GOLGA1: variants seen among roughly 807,000 people sequenced by gnomAD.
The protein encoded by GOLGA1 is golgin subfamily A member 1.
Under a neutral mutation model 119.7 loss-of-function variants are expected in GOLGA1, and 63 were observed. That is an observed-to-expected ratio of 0.53 (90% CI 0.43 to 0.65). The LOEUF is 0.65. GOLGA1 is among the 30% of genes least tolerant of loss of function. The pLI is 0.00. For synonymous variants in GOLGA1, 318 were observed against 333.4 expected (o/e 0.95, Z 0.50); for missense variants, 798 against 912.8 (o/e 0.87, Z 1.62).
chr9:124,891,801 C>T (rs1456744986), intron 15 of GOLGA1, among the ~76,000 whole-genome samples: 4 of 149,360 alleles, frequency 2.7e-5, no homozygotes, highest in East Asian at 2.0e-4. Flanking sequence ...TGTGCCACCA[C>T]ACCCAGCTAA....
chr9:124,903,253 C>T (rs560685147), intron 12 of GOLGA1, among the ~76,000 whole-genome samples: 91 of 152,216 alleles, frequency 6.0e-4, no homozygotes, highest in African/African-American at 2.1e-3. Flanking sequence ...TTTGGAAGGC[C>T]AAGACGGGTG....
chr9:124,923,055 C>CA, intron 8 of GOLGA1, 40 bp downstream of exon 8: 1 of 1,410,934 alleles, frequency 7.1e-7, no homozygotes. Flanking sequence ...AGTGAATAAT[C>CA]ATCTATTCAG....
intron 12 of GOLGA1, among the ~76,000 whole-genome samples, chr9:124,901,805 T>C (rs556730837): frequency 2.0e-5 from 3 of 152,314 alleles, no homozygotes; most frequent in African/African-American, 7.2e-5. Flanking sequence ...TTTTTTTAAC[T>C]GGTTTGAATC....
At chr9:124,914,737 A>C (rs1830408886) in intron 10 of GOLGA1, among the ~76,000 whole-genome samples, 1 of 152,212 alleles carries the variant, frequency 6.6e-6, no homozygotes, top group African/African-American at 2.4e-5. Flanking sequence ...AAAGGCATAT[A>C]CCTATTAGCG....
chr9:124,918,912 C>A (rs1564338960), intron 10 of GOLGA1, among the ~76,000 whole-genome samples: 2 of 152,080 alleles, frequency 1.3e-5, no homozygotes, highest in Non-Finnish European at 2.9e-5. Flanking sequence ...TTCCTTGACT[C>A]CTGGGCTGGA....
chr9:124,909,771 T>C (rs910426543), intron 11 of GOLGA1, among the ~76,000 whole-genome samples: 4 of 152,018 alleles, frequency 2.6e-5, no homozygotes, highest in East Asian at 1.9e-4. Context: ...ATTTACTTAT[T>C]TATTATTTTT....
chr9:124,882,255 C>A (rs930259724), intron 20 of GOLGA1, among the ~76,000 whole-genome samples: 1 of 152,246 alleles, frequency 6.6e-6, no homozygotes, highest in African/African-American at 2.4e-5. Context: ...GCTGGCGTGG[C>A]AGGCAACCCC....
chr9:124,917,075 A>T (rs944644155), intron 10 of GOLGA1, among the ~76,000 whole-genome samples: 2 of 152,046 alleles, frequency 1.3e-5, no homozygotes, highest in Non-Finnish European at 2.9e-5. Flanking sequence ...CTACAGAATG[A>T]TTTATATAAC....
At chr9:124,922,221 C>A (rs1830585137) in intron 8 of GOLGA1, among the ~76,000 whole-genome samples, 1 of 147,394 alleles carries the variant, frequency 6.8e-6, no homozygotes, top group African/African-American at 2.5e-5. Context: ...GAGCTAGGCT[C>A]CATCTCAAAA....
chr9:124,925,268 A>G (rs1369954482), intron 7 of GOLGA1, among the ~76,000 whole-genome samples: 4 of 152,138 alleles, frequency 2.6e-5, no homozygotes, highest in Non-Finnish European at 5.9e-5. Context: ...AATTGCCATA[A>G]TCTTAAGAGT....
Position 124,890,550 on chromosome 9 carries a change from C to A in GOLGA1, c.1408-72G>T, listed in dbSNP as rs184162785. ...TTTAGCTGTATGCCACGCAAGAAGC[C>A]CAGCAGACAGGGCATGGCTTTGCAG... On this transcript the variant is annotated intron_variant, in intron 15 of 22. Coordinates refer to ENST00000373555, the MANE Select transcript of GOLGA1 (RefSeq NM_002077.4). 1.2e-5 allele frequency: 14 copies of A among 1,134,200 alleles called. No individual in the cohort carries two copies. In the African/African-American group the frequency reaches 1.8e-4, roughly 15 times the overall value. 70.3% of individuals were successfully genotyped at this position (1,134,200 alleles called of 1,614,324 possible). A position where few individuals can be genotyped will look rare whatever the true frequency, so the allele number is the denominator to read the frequency against.
rs1240238389 is a variant in GOLGA1 at position 124,882,028 on chromosome 9, C to T, written c.1966-74G>A. 1.0e-5 allele frequency: 11 copies of T among 1,093,734 alleles called. No homozygotes were observed. The South Asian group carries it at 1.6e-4, about 16-fold the overall frequency. 67.8% of individuals were successfully genotyped at this position (1,093,734 alleles called of 1,614,324 possible). Reference sequence around the variant, plus strand: ...GGAAAAAATCACACGGGAGGTTCACCTGGTCCAAACTATGATCACTATCGT... The same window carrying T: ...GGAAAAAATCACACGGGAGGTTCACTTGGTCCAAACTATGATCACTATCGT... On this transcript the variant is annotated intron_variant, in intron 20 of 22. Coordinates refer to ENST00000373555, the MANE Select transcript of GOLGA1 (RefSeq NM_002077.4).
At chr9:124,884,433 T>G (rs1183476774) in intron 19 of GOLGA1, among the ~76,000 whole-genome samples, 1 of 152,238 alleles carries the variant, frequency 6.6e-6, no homozygotes, top group Non-Finnish European at 1.5e-5. Context: ...ACATTTTTCA[T>G]GTATCAGAGT....
intron 3 of GOLGA1, among the ~76,000 whole-genome samples, chr9:124,935,314 T>C (rs1380705158): frequency 6.6e-6 from 1 of 152,192 alleles, no homozygotes; most frequent in Non-Finnish European, 1.5e-5. Context: ...CTGAACATAA[T>C]TTTATACAAT....
chr9:124,886,613 G>A (rs1373566667), intron 19 of GOLGA1, among the ~76,000 whole-genome samples: 1 of 152,108 alleles, frequency 6.6e-6, no homozygotes, highest in Non-Finnish European at 1.5e-5. Flanking sequence ...GGGCAAAGGG[G>A]TGCAAGCCGA....
chr9:124,888,011 G>T lies in GOLGA1; in HGVS notation c.1905+242C>A, dbSNP rs1018691269. ...GCAGGGAACATGCAGGCTTGCAGCT[G>T]CCCAAGCCTGACACTTGTCCAGTTC... On this transcript the variant is annotated intron_variant, in intron 19 of 22. Coordinates refer to ENST00000373555, the MANE Select transcript of GOLGA1 (RefSeq NM_002077.4). This position sits in a 1 kb window ranked among gnomAD's most constrained non-coding sequence, Gnocchi z 4.4. Among the ~76,000 whole-genome samples the T allele has an allele frequency of 6.6e-6, 1 of 152,134 alleles. No homozygotes were observed. The highest frequency in any genetic ancestry group is 1.9e-4 in the East Asian group (1 of 5,194).
chr9:124,915,724 G>A (rs1230913803), intron 10 of GOLGA1, among the ~76,000 whole-genome samples: 1 of 152,188 alleles, frequency 6.6e-6, no homozygotes, highest in African/African-American at 2.4e-5. Context: ...GGTTGAGGTT[G>A]CAGTGAGCCA....
chr9:124,925,492 G>T (rs1830656396), intron 7 of GOLGA1, among the ~76,000 whole-genome samples: 1 of 151,948 alleles, frequency 6.6e-6, no homozygotes, highest in Non-Finnish European at 1.5e-5. Flanking sequence ...CAGGCAGGAG[G>T]ATCACTTTGG....
At chr9:124,908,349 T>G in intron 12 of GOLGA1, 28 bp downstream of exon 12, 1 of 1,251,544 alleles carries the variant, frequency 8.0e-7, no homozygotes, top group Non-Finnish European at 1.2e-6. Context: ...CACCCAAACT[T>G]AGGAAACACC....
Sources: gnomAD v4.1 joint callset for allele counts (sites outside exome capture counted in the v4.1 genomes callset) on GRCh38, gnomAD v4.1.1 for gene constraint, Gnocchi (gnomAD v3.1) non-coding constraint, MANE v1.5 for transcripts, NCBI Gene and HGNC (gene_info 2026-07-23, HGNC 2026-07-21) for gene names.